The following PTPRG variants were observed in gnomAD, a reference collection of about 807,000 sequenced individuals.
PTPRG encodes protein tyrosine phosphatase receptor type G.
A neutral mutation model predicts 165.3 loss-of-function variants in PTPRG; 102 were observed. The ratio of observed to expected loss-of-function variants is 0.62; its 90% CI spans 0.53 to 0.73. PTPRG has a LOEUF of 0.73. PTPRG is among the 30% of genes least tolerant of loss of function. PTPRG has a pLI of 0.00. For missense variants in PTPRG, 1,866 were observed against 1,861.4 expected, an observed-to-expected ratio of 1.00 and a Z score of -0.05; for synonymous variants, 675 against 669.5, an observed-to-expected ratio of 1.01 and a Z score of -0.13.
intron 5 of PTPRG, among the ~76,000 whole-genome samples, chr3:62,107,178 G>A (rs763814501): frequency 2.6e-5 from 4 of 152,200 alleles, no homozygotes; most frequent in South Asian, 2.1e-4. Context: ...TAAGAATTAT[G>A]TTTCCATCCA....
rs564839739 is a variant in PTPRG at position 62,185,140 on chromosome 3, C to A, written c.1034-6329C>A. 4.6e-5 allele frequency among the ~76,000 whole-genome samples: 7 copies of A among 152,096 alleles called. No individual in the cohort carries two copies. The East Asian group carries it at 9.7e-4, about 21-fold the overall frequency. ...GAAGACTCTTCATTACTTAAGGAAG[C>A]CTGGGATCATAATTAAAGGTGGTTC... is the stretch of plus-strand genomic sequence containing the variant. On this transcript the variant is annotated intron_variant, in intron 8 of 29. Coordinates refer to ENST00000474889, the MANE Select transcript of PTPRG (RefSeq NM_002841.4).
At chr3:62,262,319 A>G (rs1349593293) in intron 16 of PTPRG, 2 of 152,400 alleles carry the variant, frequency 1.3e-5, no homozygotes, top group Non-Finnish European at 2.9e-5. Flanking sequence ...TGAGGCTATA[A>G]GGCCTGTAAG....
intron 5 of PTPRG, among the ~76,000 whole-genome samples, chr3:62,115,687 G>T (rs771968027): frequency 8.6e-5 from 13 of 151,258 alleles, no homozygotes; most frequent in Non-Finnish European, 1.3e-4. Flanking sequence ...ATCCAGGCTG[G>T]AGTACAGTGG....
intron 5 of PTPRG, among the ~76,000 whole-genome samples, chr3:62,129,648 C>G (rs1259750058): frequency 2.0e-5 from 3 of 152,168 alleles, no homozygotes; most frequent in African/African-American, 4.8e-5. Flanking sequence ...GAGGGCAGAA[C>G]CCTCATGACC....
chr3:61,643,841 G>A (rs1559537364), intron 1 of PTPRG, among the ~76,000 whole-genome samples: 1 of 152,168 alleles, frequency 6.6e-6, no homozygotes, highest in Non-Finnish European at 1.5e-5. Flanking sequence ...TTATTGAATG[G>A]TCAGTTTGAT....
chr3:62,133,093 C>T (rs1000800924), intron 6 of PTPRG, among the ~76,000 whole-genome samples: 5 of 152,162 alleles, frequency 3.3e-5, no homozygotes, highest in African/African-American at 7.2e-5. Context: ...TGTGAACAAG[C>T]GTCATGCAGC....
Position 62,008,303 on chromosome 3 carries a change from G to T in PTPRG, c.519+4806G>T, listed in dbSNP as rs2041343115. Among the ~76,000 whole-genome samples, 3 of 152,280 alleles carry T rather than the reference G, an allele frequency of 2.0e-5. No individual in the cohort carries two copies. The South Asian group carries it at 6.2e-4, about 32-fold the overall frequency. On this transcript the variant is annotated intron_variant, in intron 4 of 29. Coordinates refer to ENST00000474889, the MANE Select transcript of PTPRG (RefSeq NM_002841.4). ...GTTCATTGCATGCTTGTTGTTTGAG[G>T]TAATTAAAATCTTATTTATGACAAT...
At chr3:62,292,022 T>A (rs539607491) in intron 28 of PTPRG, among the ~76,000 whole-genome samples, 21 of 151,876 alleles carry the variant, frequency 1.4e-4, no homozygotes, top group African/African-American at 4.8e-4. Flanking sequence ...TTGGAATTGT[T>A]AAAAAAAAAT....
At chr3:61,848,089 TG>T in intron 2 of PTPRG, among the ~76,000 whole-genome samples, 1 of 152,336 alleles carries the variant, frequency 6.6e-6, no homozygotes, top group South Asian at 2.1e-4. Context: ...GAGCCTTTCC[TG>T]GTTTTGAGCT....
intron 4 of PTPRG, among the ~76,000 whole-genome samples, chr3:62,027,356 A>T (rs1333537032): frequency 6.6e-6 from 1 of 151,998 alleles, no homozygotes; most frequent in Admixed American, 6.6e-5. Context: ...CCTATACTTT[A>T]TTCTGATCCT....
chr3:61,974,552 TA>T (rs34814944), intron 2 of PTPRG, among the ~76,000 whole-genome samples: 22 of 145,712 alleles, frequency 1.5e-4, no homozygotes, highest in East Asian at 1.2e-3. Flanking sequence ...GATTCCATCT[TA>T]AAAAAAAAAT....
intron 4 of PTPRG, among the ~76,000 whole-genome samples, chr3:62,073,383 A>G (rs1182897188): frequency 1.3e-5 from 2 of 152,368 alleles, no homozygotes; most frequent in East Asian, 3.9e-4. Flanking sequence ...GGAGAAGCCC[A>G]ATAGATAGCA....
At chr3:62,155,641 A>T (rs1319792355) in intron 6 of PTPRG, among the ~76,000 whole-genome samples, 1 of 152,232 alleles carries the variant, frequency 6.6e-6, no homozygotes, top group Non-Finnish European at 1.5e-5. Context: ...ATCAATGTTA[A>T]GTCTTCTTCA....
At chr3:61,852,640 G>A (rs193082413) in intron 2 of PTPRG, among the ~76,000 whole-genome samples, 11 of 152,288 alleles carry the variant, frequency 7.2e-5, no homozygotes, top group African/African-American at 2.6e-4. Flanking sequence ...CTTTGGTTTA[G>A]AGGCAGAATC....
intron 2 of PTPRG, among the ~76,000 whole-genome samples, chr3:61,919,719 T>C (rs1196442375): frequency 6.6e-6 from 1 of 152,198 alleles, no homozygotes; most frequent in African/African-American, 2.4e-5. Context: ...TTTTTTTCTC[T>C]GATTGATTTA....
At chr3:61,979,155 ACT>A (rs1385270358) in intron 2 of PTPRG, among the ~76,000 whole-genome samples, 3 of 151,964 alleles carry the variant, frequency 2.0e-5, no homozygotes, top group African/African-American at 7.3e-5. Context: ...ATGTTTAAAA[ACT>A]CAGCTATCAA....
chr3:62,039,318 T>C (rs1399855029), intron 4 of PTPRG, among the ~76,000 whole-genome samples: 1 of 151,852 alleles, frequency 6.6e-6, no homozygotes, highest in African/African-American at 2.4e-5. Context: ...CTAACACGTA[T>C]ATACAACTTA....
At chr3:61,703,034 A>C (rs1391523639) in intron 1 of PTPRG, among the ~76,000 whole-genome samples, 2 of 152,164 alleles carry the variant, frequency 1.3e-5, no homozygotes, top group Non-Finnish European at 2.9e-5. Flanking sequence ...TGGGTGCAGA[A>C]TTTGCATTTG....
chr3:62,121,783 A>G (rs964814669), intron 5 of PTPRG, among the ~76,000 whole-genome samples: 17 of 152,242 alleles, frequency 1.1e-4, no homozygotes, highest in African/African-American at 3.6e-4. Context: ...AGTAGACTAC[A>G]TGCTCTATGA....
Sources: gnomAD v4.1 joint callset for allele counts (sites outside exome capture counted in the v4.1 genomes callset) on GRCh38, gnomAD v4.1.1 for gene constraint, MANE v1.5 for transcripts, NCBI Gene and HGNC (gene_info 2026-07-23, HGNC 2026-07-21) for gene names.